Variants in KCNMB1 observed in about 807,000 individuals in gnomAD.
KCNMB1 encodes the protein calcium-activated potassium channel subunit beta-1.
Under a neutral mutation model 21.7 loss-of-function variants are expected in KCNMB1, and 22 were observed. That is an observed-to-expected ratio of 1.01 (90% confidence interval 0.72 to 1.45). The LOEUF is 1.45. KCNMB1 is among the 40% of genes most tolerant of loss of function. The probability of loss-of-function intolerance (pLI) is 0.00; values close to 1 mark genes in which losing one functional copy is unlikely to be tolerated. For synonymous variants in KCNMB1, 114 were observed against 107.6 expected (o/e 1.06, Z -0.37); for missense variants, 243 against 243.4 (o/e 1.00, Z 0.01).
intron 1 of KCNMB1, among the ~76,000 whole-genome samples, chr5:170,385,848 G>A (rs66790103): frequency 0.22 from 34,050 of 151,880 alleles, 3,879 homozygotes; most frequent in South Asian, 0.28. Context: ...GGCCAGGTGC[G>A]GTGGCTCATG....
Position 170,377,428 on chromosome 5 carries a change from G to A in KCNMB1, c.*1276C>T, listed in dbSNP as rs143425850. 1.3e-5 allele frequency: 2 copies of A among 152,322 alleles called. 1 individual carries two copies. Among genetic ancestry groups the A allele is most frequent in the Non-Finnish European group, 2.9e-5 (2 of 68,062 alleles). The allele number at this position is 152,322 out of a possible 1,614,324, so 9.4% of individuals were successfully genotyped here. A position where few individuals can be genotyped will look rare whatever the true frequency, so the allele number is the denominator to read the frequency against. On this transcript the variant is annotated 3_prime_UTR_variant, in exon 4 of 4. Transcript: ENST00000274629. ...ACTTCCTGGAGTGGGAATGGTAAAG[G>A]TGATGGCTTCTTCCCATTTTGCCCT...
intron 1 of KCNMB1, 55 bp from the exon 2 acceptor site, chr5:170,385,526 CAGAA>C (rs1420932646): frequency 6.5e-7 from 1 of 1,531,954 alleles, no homozygotes; most frequent in Non-Finnish European, 9.0e-7. Flanking sequence ...AGGTGATCCA[CAGAA>C]AGAGAGGACA....
intron 2 of KCNMB1, among the ~76,000 whole-genome samples, chr5:170,384,525 G>T (rs542286932): frequency 6.6e-6 from 1 of 152,306 alleles, no homozygotes; most frequent in East Asian, 1.9e-4. Flanking sequence ...GCCCGGGAGA[G>T]GCTAACAGGT....
chr5:170,379,958 A>G (rs1764175707), intron 3 of KCNMB1, among the ~76,000 whole-genome samples: 2 of 152,092 alleles, frequency 1.3e-5, no homozygotes, highest in Admixed American at 1.3e-4. Context: ...TTTCAAAAAA[A>G]AAAAAAAAGT....
Position 170,383,529 on chromosome 5 carries a change from A to T in KCNMB1, c.306+150T>A, listed in dbSNP as rs56745446. 2,403 of 838,866 alleles carry T rather than the reference A, an allele frequency of 2.9e-3. 53 individuals carry two copies. In the African/African-American group the frequency reaches 0.036, roughly 13 times the overall value. The allele number at this position is 838,866 out of a possible 1,614,324, so 52.0% of individuals were successfully genotyped here. On this transcript the variant is annotated intron_variant, in intron 3 of 3. Transcript: ENST00000274629. ...CCAGGTCTGTGTGACTCCAACACAG[A>T]AGAGCTAGGGCTGGCTCAGTCTCAT... is the stretch of plus-strand genomic sequence containing the variant.
At position 170,378,797 on chromosome 5, in the gene KCNMB1, G is replaced by A. The variant is rs756905729; in HGVS notation, c.483C>T (p.Leu161=). 3.1e-6 allele frequency: 5 copies of A among 1,614,104 alleles called. No individual in the cohort carries two copies. In the African/African-American group the frequency reaches 4.0e-5, roughly 13 times the overall value. The change falls in exon 4 of 4, where the codon CTC becomes CTT. Residue 161 remains leucine (L), a synonymous_variant. Transcript: ENST00000274629. ...LYGPQALLFS[L]FWPTFLLTGG... ...CGGTCAGCAGGAAGGTGGGCCAGAAGAGGGAGAAGAGGAGGGCCTGGGGCC... is the reference window on the plus strand; with the variant it reads ...CGGTCAGCAGGAAGGTGGGCCAGAAAAGGGAGAAGAGGAGGGCCTGGGGCC...
intron 3 of KCNMB1, among the ~76,000 whole-genome samples, chr5:170,379,178 T>G (rs1313890197): frequency 2.0e-5 from 3 of 152,078 alleles, no homozygotes; most frequent in Non-Finnish European, 4.4e-5. Flanking sequence ...ATGGCGGTGC[T>G]GGAGCTGCTC....
chr5:170,379,119 G>A, intron 3 of KCNMB1, 146 bp from the exon 4 acceptor site: 2 of 942,692 alleles, frequency 2.1e-6, no homozygotes, highest in South Asian at 3.5e-5. Context: ...GGCAGGCCAT[G>A]CGCTGTACAG....
intron 1 of KCNMB1, among the ~76,000 whole-genome samples, chr5:170,387,426 C>G (rs1216217745): frequency 4.5e-4 from 69 of 152,254 alleles, no homozygotes; most frequent in African/African-American, 1.6e-3. Context: ...GCCAGGCTGC[C>G]CTCATACCCG....
chr5:170,389,222 A>G (rs1764611208), intron 1 of KCNMB1, 37 bp downstream of exon 1: 1 of 152,198 alleles, frequency 6.6e-6, no homozygotes, highest in African/African-American at 2.4e-5. Context: ...GTCTTCAGAG[A>G]AATCACTTCC....
At chr5:170,383,564 G>A (rs1056159024) in intron 3 of KCNMB1, 115 bp downstream of exon 3, 3 of 1,162,422 alleles carry the variant, frequency 2.6e-6, no homozygotes, top group African/African-American at 1.5e-5. Context: ...TTCCAGCTGT[G>A]AGACCTGGTC....
At position 170,375,300 on chromosome 5, in the gene KCNMB1, C is replaced by A. The variant is rs1260808553; in HGVS notation, c.*3404G>T. The A allele has an allele frequency of 3.3e-5, 5 of 152,224 alleles. No homozygotes were observed. Among genetic ancestry groups the A allele is most frequent in the African/African-American group, 4.8e-5 (2 of 41,450 alleles). 9.4% of individuals were successfully genotyped at this position (152,224 alleles called of 1,614,324 possible). A position where few individuals can be genotyped will look rare whatever the true frequency, so the allele number is the denominator to read the frequency against. ...ATGAGGACCTTTGAGACTTCCCTGA[C>A]CCCAGAAGGAAAAAATTCCAGGGAA... On this transcript the variant is annotated 3_prime_UTR_variant, in exon 4 of 4. Coordinates refer to ENST00000274629, the MANE Select transcript of KCNMB1 (RefSeq NM_004137.4).
chr5:170,382,391 C>T (rs928096473), intron 3 of KCNMB1, among the ~76,000 whole-genome samples: 2 of 152,160 alleles, frequency 1.3e-5, no homozygotes, highest in Non-Finnish European at 2.9e-5. Flanking sequence ...TATCTTGAGA[C>T]ATACACACTC....
rs1764014509 is a variant in KCNMB1, at chr5:170,376,552, G to A, written c.*2152C>T. 3.3e-5 allele frequency: 5 copies of A among 151,964 alleles called. No homozygotes were observed. In the South Asian group the frequency reaches 1.0e-3, roughly 31 times the overall value. The allele number at this position is 151,964 out of a possible 1,614,324, so 9.4% of individuals were successfully genotyped here. A position where few individuals can be genotyped will look rare whatever the true frequency, so the allele number is the denominator to read the frequency against. ...CCTCCAATAGGCCTCAGTGTGTGTT[G>A]TTCCCCTCTTTGTGTCCATGTGTTT... is the stretch of plus-strand genomic sequence containing the variant. On this transcript the variant is annotated 3_prime_UTR_variant, in exon 4 of 4. Transcript: ENST00000274629.
At position 170,376,317 on chromosome 5, in the gene KCNMB1, C is replaced by G. The variant is rs556197589; in HGVS notation, c.*2387G>C. ...CTGGGACTACAGGCGGCTACCACCA[C>G]GCCCGGCTATGATTTTTTCTATTTT... is the stretch of plus-strand genomic sequence containing the variant. On this transcript the variant is annotated 3_prime_UTR_variant, in exon 4 of 4. Coordinates refer to ENST00000274629, the MANE Select transcript of KCNMB1 (RefSeq NM_004137.4). 1 of 151,958 alleles carries G rather than the reference C, an allele frequency of 6.6e-6. No individual in the cohort carries two copies. The highest frequency in any genetic ancestry group is 2.1e-4 in the South Asian group (1 of 4,820). The allele number at this position is 151,958 out of a possible 1,614,324, so 9.4% of individuals were successfully genotyped here. A position where few individuals can be genotyped will look rare whatever the true frequency, so the allele number is the denominator to read the frequency against.
chr5:170,379,189 G>A (rs1250677830), intron 3 of KCNMB1, among the ~76,000 whole-genome samples: 5 of 151,424 alleles, frequency 3.3e-5, no homozygotes, highest in East Asian at 2.0e-4. Context: ...GGAGCTGCTC[G>A]GGGTACAGGC....
chr5:170,389,268 G>T lies in KCNMB1; in HGVS notation c.-34C>A, dbSNP rs969900717. 1 of 152,176 alleles carries T rather than the reference G, an allele frequency of 6.6e-6. No individual in the cohort carries two copies. Among genetic ancestry groups the T allele is most frequent in the Admixed American group, 6.5e-5 (1 of 15,286 alleles). 9.4% of individuals were successfully genotyped at this position (152,176 alleles called of 1,614,324 possible). On this transcript the variant is annotated 5_prime_UTR_variant, in exon 1 of 4. Transcript: ENST00000274629. ...CAGGCCCGGTACTCACAGTCTTCCC[G>T]GCGTCCTGTGGGTCTTGAGCAGCAG...
Position 170,378,667 on chromosome 5 carries a change from T to A in KCNMB1, c.*37A>T. ...AGCCCTGGGGGCCCAGCCAGTCCCCTGTGCCCTGACAAGTGGTATGGCATG... is the reference window on the plus strand; with the variant it reads ...AGCCCTGGGGGCCCAGCCAGTCCCCAGTGCCCTGACAAGTGGTATGGCATG... On this transcript the variant is annotated 3_prime_UTR_variant, in exon 4 of 4. Coordinates refer to ENST00000274629, the MANE Select transcript of KCNMB1 (RefSeq NM_004137.4). The A allele has an allele frequency of 6.4e-7, 1 of 1,565,764 alleles. No individual in the cohort carries two copies. Among genetic ancestry groups the A allele is most frequent in the South Asian group, 1.2e-5 (1 of 81,440 alleles).
Position 170,378,347 on chromosome 5 carries a change from T to C in KCNMB1, c.*357A>G, listed in dbSNP as rs997286859. On this transcript the variant is annotated 3_prime_UTR_variant, in exon 4 of 4. Transcript: ENST00000274629. ...CTTCTGGGGGAGGATGGGTACCGCT[T>C]TGAGACAACAGGGAGAACTCAGGCA... 3.2e-4 allele frequency: 65 copies of C among 206,096 alleles called. No individual in the cohort carries two copies. The highest frequency in any genetic ancestry group is 1.8e-3 in the Middle Eastern group (1 of 570). The allele number at this position is 206,096 out of a possible 1,614,324, so 12.8% of individuals were successfully genotyped here.
Sources: gnomAD v4.1 joint callset for allele counts (sites outside exome capture counted in the v4.1 genomes callset) on GRCh38, gnomAD v4.1.1 for gene constraint, MANE v1.5 for transcripts, NCBI Gene and HGNC (gene_info 2026-07-23, HGNC 2026-07-21) for gene names.